Variants in FAM13A observed in about 807,000 individuals in gnomAD.
The protein encoded by FAM13A is family with sequence similarity 13 member A.
FAM13A carries 76 observed loss-of-function variants against 129.6 expected under a neutral mutation model. The ratio of observed to expected loss-of-function variants is 0.59; its 90% CI spans 0.49 to 0.71. The LOEUF is 0.71. Among genes scored for constraint, FAM13A ranks in the 30% least tolerant of loss-of-function variants. The pLI is 0.00. For synonymous variants in FAM13A, 443 were observed against 449.9 expected (o/e 0.98, Z 0.20); for missense variants, 1,108 against 1,249.3 (o/e 0.89, Z 1.70).
chr4:88,964,816 C>T (rs1579529669), intron 4 of FAM13A, among the ~76,000 whole-genome samples: 2 of 152,116 alleles, frequency 1.3e-5, no homozygotes, highest in East Asian at 1.9e-4. Flanking sequence ...TTAGTAAAGA[C>T]AGGGTTTCAC....
intron 4 of FAM13A, among the ~76,000 whole-genome samples, chr4:88,954,638 C>T (rs748858595): frequency 2.4e-4 from 36 of 152,304 alleles, no homozygotes; most frequent in Non-Finnish European, 4.0e-4. Context: ...AATCCCAGCA[C>T]TTTGGGAGGC....
At chr4:88,740,722 T>A (rs886969316) in intron 19 of FAM13A, among the ~76,000 whole-genome samples, 3 of 152,250 alleles carry the variant, frequency 2.0e-5, no homozygotes, top group African/African-American at 7.2e-5. Flanking sequence ...TTGCCTTTTG[T>A]ATTTGTCTTT....
intron 17 of FAM13A, 26 bp downstream of exon 17, chr4:88,748,926 A>T (rs1230699734): frequency 6.4e-7 from 1 of 1,551,210 alleles, no homozygotes; most frequent in Non-Finnish European, 8.9e-7. Flanking sequence ...GTTGTACAGA[A>T]GCCACAGCTC....
intron 4 of FAM13A, among the ~76,000 whole-genome samples, chr4:88,959,833 C>T (rs538512450): frequency 2.6e-5 from 4 of 152,158 alleles, no homozygotes; most frequent in South Asian, 4.2e-4. Context: ...CCTCTTGTGG[C>T]GGTAAGGGGG....
chr4:88,821,679 A>G (rs1280003926), intron 7 of FAM13A, among the ~76,000 whole-genome samples: 1 of 152,228 alleles, frequency 6.6e-6, no homozygotes, highest in Non-Finnish European at 1.5e-5. Flanking sequence ...AAAGTTGGAA[A>G]CCAAATCAAG....
intron 9 of FAM13A, among the ~76,000 whole-genome samples, chr4:88,788,803 G>A (rs1560997365): frequency 6.6e-6 from 1 of 152,112 alleles, no homozygotes; most frequent in Non-Finnish European, 1.5e-5. Context: ...TGTTCTAAAT[G>A]CTCAGGCTGA....
chr4:88,947,586 C>A (rs1338292645), intron 4 of FAM13A, among the ~76,000 whole-genome samples: 1 of 152,130 alleles, frequency 6.6e-6, no homozygotes, highest in African/African-American at 2.4e-5. Flanking sequence ...GATCTTTAAC[C>A]TATATTTTTG....
intron 6 of FAM13A, among the ~76,000 whole-genome samples, chr4:88,878,126 A>G (rs1742885646): frequency 6.6e-6 from 1 of 151,562 alleles, no homozygotes. Context: ...CGTCTCTACT[A>G]AAAAATACAA....
intron 5 of FAM13A, among the ~76,000 whole-genome samples, chr4:88,934,230 C>T (rs1463881483): frequency 6.6e-6 from 1 of 152,172 alleles, no homozygotes; most frequent in Admixed American, 6.6e-5. Context: ...TATTTTACTT[C>T]ACAGAATATA....
chr4:89,048,212 T>C (rs924700751), intron 1 of FAM13A, among the ~76,000 whole-genome samples: 2 of 152,178 alleles, frequency 1.3e-5, no homozygotes, highest in African/African-American at 4.8e-5. Context: ...GCATTATTGA[T>C]AATAATCAAA....
chr4:88,884,870 A>G (rs1744152910), intron 6 of FAM13A, among the ~76,000 whole-genome samples: 1 of 152,168 alleles, frequency 6.6e-6, no homozygotes, highest in Non-Finnish European at 1.5e-5. Flanking sequence ...AACTGAGAAT[A>G]AAAGCAAGAA....
At chr4:88,922,212 C>A (rs1751237096) in intron 5 of FAM13A, among the ~76,000 whole-genome samples, 1 of 152,080 alleles carries the variant, frequency 6.6e-6, no homozygotes, top group African/African-American at 2.4e-5. Flanking sequence ...TAATAGACAT[C>A]TACAGAACTC....
chr4:88,926,535 C>CT (rs1752199739), intron 5 of FAM13A, among the ~76,000 whole-genome samples: 1 of 152,126 alleles, frequency 6.6e-6, no homozygotes, highest in African/African-American at 2.4e-5. Context: ...GCAATTTAGT[C>CT]TGTCTTCTGT....
intron 6 of FAM13A, among the ~76,000 whole-genome samples, chr4:88,883,389 T>G (rs916034850): frequency 3.9e-5 from 6 of 152,168 alleles, no homozygotes; most frequent in Non-Finnish European, 5.9e-5. Flanking sequence ...ACATGGAAAT[T>G]TAACAATCTG....
intron 8 of FAM13A, among the ~76,000 whole-genome samples, chr4:88,795,368 A>G (rs1449083131): frequency 6.6e-6 from 1 of 151,806 alleles, no homozygotes; most frequent in African/African-American, 2.4e-5. Flanking sequence ...TTATTCTAAC[A>G]AATCAAATAT....
At chr4:88,755,030 C>G (rs1203824845) in intron 14 of FAM13A, among the ~76,000 whole-genome samples, 1 of 152,176 alleles carries the variant, frequency 6.6e-6, no homozygotes, top group African/African-American at 2.4e-5. Context: ...GACAGTCGGG[C>G]TATCATTAAC....
intron 2 of FAM13A, among the ~76,000 whole-genome samples, chr4:89,027,183 A>G (rs960383147): frequency 2.6e-5 from 4 of 152,236 alleles, no homozygotes; most frequent in Non-Finnish European, 4.4e-5. Context: ...AAAAGTACGC[A>G]TAGTAAGAGA....
intron 11 of FAM13A, among the ~76,000 whole-genome samples, chr4:88,774,545 G>T (rs986174271): frequency 6.6e-6 from 1 of 152,092 alleles, no homozygotes; most frequent in East Asian, 1.9e-4. Context: ...TTGCTGAGTT[G>T]TGTTACACTG....
chr4:89,040,476 T>A (rs1318654966), intron 1 of FAM13A, among the ~76,000 whole-genome samples: 2 of 152,214 alleles, frequency 1.3e-5, no homozygotes, highest in African/African-American at 4.8e-5. Context: ...CTTTCCAAAT[T>A]GCAATTTAAA....
Sources: gnomAD v4.1 joint callset for allele counts (sites outside exome capture counted in the v4.1 genomes callset) on GRCh38, gnomAD v4.1.1 for gene constraint, MANE v1.5 for transcripts, NCBI Gene and HGNC (gene_info 2026-07-23, HGNC 2026-07-21) for gene names.